TRPC5: variants seen among roughly 807,000 people sequenced by gnomAD.
TRPC5 encodes transient receptor potential cation channel subfamily C member 5.
TRPC5 carries 9 observed loss-of-function variants against 56.5 expected under a neutral mutation model. The ratio of observed to expected loss-of-function variants is 0.16; its 90% CI spans 0.10 to 0.28. The LOEUF (loss-of-function observed/expected upper bound fraction) is 0.28. Among genes scored for constraint, TRPC5 ranks in the 10% least tolerant of loss-of-function variants. The pLI, the probability that TRPC5 is intolerant of heterozygous loss-of-function variation, is 1.00. For missense variants in TRPC5, 469 were observed against 748.9 expected, an observed-to-expected ratio of 0.63 and a Z score of 4.36; for synonymous variants, 282 against 278.5, an observed-to-expected ratio of 1.01 and a Z score of -0.13.
intron 3 of TRPC5, among the ~76,000 whole-genome samples, chrX:111,878,860 G>A (rs1039195611): frequency 1.8e-5 from 2 of 111,878 alleles, no homozygotes; most frequent in Non-Finnish European, 3.8e-5. Context: ...AGAAAGACAT[G>A]TGTAACCTTC....
chrX:111,821,109 A>AT (rs1306844786), intron 7 of TRPC5, among the ~76,000 whole-genome samples: 1 of 111,416 alleles, frequency 9.0e-6, no homozygotes, highest in Non-Finnish European at 1.9e-5. Context: ...TTCCTAATGA[A>AT]TGAGGAGGCC....
At chrX:111,921,107 A>C (rs980000098) in intron 2 of TRPC5, among the ~76,000 whole-genome samples, 1 of 111,771 alleles carries the variant, frequency 8.9e-6, no homozygotes, top group Non-Finnish European at 1.9e-5. Flanking sequence ...CTATGTTTCC[A>C]ATAGCCTGTA....
intron 3 of TRPC5, among the ~76,000 whole-genome samples, chrX:111,908,825 C>T (rs1040362040): frequency 1.3e-4 from 14 of 111,708 alleles, no homozygotes; most frequent in African/African-American, 4.6e-4. Flanking sequence ...TGCTACTTTG[C>T]CAGTGTTATG....
At chrX:112,034,082 T>C (rs183471712) in intron 1 of TRPC5, among the ~76,000 whole-genome samples, 3 of 112,078 alleles carry the variant, frequency 2.7e-5, no homozygotes, top group African/African-American at 9.7e-5. Flanking sequence ...AAACTTATTC[T>C]TATTTTTTAA....
At chrX:111,846,969 C>A in intron 6 of TRPC5, 145 bp downstream of exon 6, 1 of 629,129 alleles carries the variant, frequency 1.6e-6, no homozygotes. Flanking sequence ...CACCTCTGAC[C>A]CTTCGGGTGG....
chrX:112,003,285 G>T (rs926485146), intron 1 of TRPC5, among the ~76,000 whole-genome samples: 1 of 111,582 alleles, frequency 9.0e-6, no homozygotes, highest in African/African-American at 3.3e-5. Context: ...CAGTTCTAAG[G>T]AGGTATATAC....
At chrX:111,872,234 T>G (rs1340695602) in intron 3 of TRPC5, among the ~76,000 whole-genome samples, 1 of 112,482 alleles carries the variant, frequency 8.9e-6, no homozygotes, top group East Asian at 2.8e-4. Context: ...AGACAGAGTT[T>G]GCATGCATCA....
intron 1 of TRPC5, among the ~76,000 whole-genome samples, chrX:112,066,287 G>T (rs1341539652): frequency 9.1e-6 from 1 of 110,463 alleles, no homozygotes; most frequent in Admixed American, 9.7e-5. Context: ...TTTGGCATTT[G>T]GTTGTTTTCA....
At chrX:111,865,123 C>T (rs1396758495) in intron 3 of TRPC5, among the ~76,000 whole-genome samples, 1 of 110,588 alleles carries the variant, frequency 9.0e-6, no homozygotes, top group Non-Finnish European at 1.9e-5. Context: ...TCAAGCAATT[C>T]TCATGCCTCA....
At position 111,818,183 on chromosome X, in the gene TRPC5, A is replaced by C. The variant is rs186669530; in HGVS notation, c.1896+16738T>G. On this transcript the variant is annotated intron_variant, in intron 7 of 10. Transcript: ENST00000262839. ...ATAAAAGGACAGCAACTGGGGGGAAAATTTTGCCTCATATATTTCAATTAT... is the reference window on the plus strand; with the variant it reads ...ATAAAAGGACAGCAACTGGGGGGAACATTTTGCCTCATATATTTCAATTAT... Among the ~76,000 whole-genome samples the C allele has an allele frequency of 2.1e-3, 236 of 111,831 alleles. No homozygotes were observed. The Middle Eastern group carries it at 0.037, about 17-fold the overall frequency.
intron 7 of TRPC5, among the ~76,000 whole-genome samples, chrX:111,790,729 A>T (rs1946012939): frequency 9.0e-6 from 1 of 110,651 alleles, no homozygotes; most frequent in Admixed American, 9.7e-5. Flanking sequence ...TCAATGTGGG[A>T]CTGTTAAGAC....
chrX:111,804,210 ATC>A (rs1384560986), intron 7 of TRPC5, among the ~76,000 whole-genome samples: 1 of 111,612 alleles, frequency 9.0e-6, no homozygotes, highest in Non-Finnish European at 1.9e-5. Flanking sequence ...ATTGGTCTAT[ATC>A]TCTGTTTTGG....
intron 7 of TRPC5, among the ~76,000 whole-genome samples, chrX:111,808,648 G>A (rs1921601646): frequency 9.1e-6 from 1 of 110,129 alleles, no homozygotes; most frequent in Admixed American, 9.8e-5. Flanking sequence ...CACTGTGGCT[G>A]AGCTGACACC....
chrX:111,878,324 A>C (rs971649278), intron 3 of TRPC5, among the ~76,000 whole-genome samples: 1 of 111,654 alleles, frequency 9.0e-6, no homozygotes, highest in Non-Finnish European at 1.9e-5. Context: ...GAAAAAAAAA[A>C]CTAAGTGATA....
chrX:111,824,841 C>A (rs1016819566), intron 7 of TRPC5, among the ~76,000 whole-genome samples: 2 of 111,966 alleles, frequency 1.8e-5, no homozygotes, highest in Non-Finnish European at 3.8e-5. Flanking sequence ...GTATGGTAGG[C>A]AGAGAAGACT....
chrX:111,819,979 T>C (rs1921982316), intron 7 of TRPC5, among the ~76,000 whole-genome samples: 1 of 112,166 alleles, frequency 8.9e-6, no homozygotes, highest in South Asian at 3.7e-4. Flanking sequence ...CATAGAGCTC[T>C]TGTGAGGATC....
chrX:111,949,536 C>T (rs1835618060), intron 2 of TRPC5, among the ~76,000 whole-genome samples: 1 of 111,632 alleles, frequency 9.0e-6, no homozygotes, highest in Non-Finnish European at 1.9e-5. Flanking sequence ...GGCTAAGGAC[C>T]TGAATAGACA....
intron 2 of TRPC5, among the ~76,000 whole-genome samples, chrX:111,940,976 A>G (rs1313754906): frequency 1.8e-5 from 2 of 111,949 alleles, no homozygotes; most frequent in Non-Finnish European, 3.8e-5. Flanking sequence ...TTTGACATAT[A>G]GGACCTAACT....
intron 1 of TRPC5, among the ~76,000 whole-genome samples, chrX:112,064,345 T>A (rs749464216): frequency 7.1e-5 from 8 of 112,213 alleles, no homozygotes; most frequent in Admixed American, 1.9e-4. Flanking sequence ...TGCCCTTTTT[T>A]AAAATTCTTC....
Sources: allele counts gnomAD v4.1 joint callset (sites outside exome capture counted in the v4.1 genomes callset), GRCh38; gene constraint gnomAD v4.1.1; transcripts MANE v1.5; gene names NCBI Gene and HGNC (gene_info 2026-07-23, HGNC 2026-07-21).